Variants in MYO16 observed in about 807,000 individuals in gnomAD.
MYO16 encodes the protein unconventional myosin-XVI.
Under a neutral mutation model 205.3 loss-of-function variants are expected in MYO16, and 94 were observed. That is an observed-to-expected ratio of 0.46 (90% CI 0.39 to 0.54). The LOEUF (loss-of-function observed/expected upper bound fraction) is 0.54, where lower values mean the gene tolerates loss of function less well. MYO16 is among the 20% of genes least tolerant of loss of function. The pLI, the probability that MYO16 is intolerant of heterozygous loss-of-function variation, is 0.00. For missense variants in MYO16, 2,315 were observed against 2,387.5 expected (o/e 0.97, Z 0.63); for synonymous variants, 988 against 954.0 (o/e 1.04, Z -0.66).
rs199674369 is a variant in MYO16 at position 108,672,314 on chromosome 13, T to TA, written c.292+6174dup. Among the ~76,000 whole-genome samples the TA allele has an allele frequency of 4.0e-3, 600 of 151,710 alleles. 4 individuals are homozygous for TA. Among genetic ancestry groups the TA allele is most frequent in the African/African-American group, 0.014 (569 of 41,424 alleles). On this transcript the variant is annotated intron_variant, in intron 2 of 34. Coordinates refer to ENST00000457511, the MANE Select transcript of MYO16 (RefSeq NM_001198950.3). ...GCACTTGTTTATGCAATTGAGAAAG[T>TA]AAAAAAAAATTGCCATAAGAAAAAA...
chr13:108,625,842 A>C (rs1879714971), upstream of MYO16, among the ~76,000 whole-genome samples: 1 of 152,204 alleles, frequency 6.6e-6, no homozygotes, highest in African/African-American at 2.4e-5. Context: ...TTTAGTTTTA[A>C]TTTCTTCATT....
intron 20 of MYO16, among the ~76,000 whole-genome samples, chr13:108,968,185 G>T (rs568615696): frequency 6.6e-6 from 1 of 152,126 alleles, no homozygotes; most frequent in South Asian, 2.1e-4. Context: ...TTCACCTCTC[G>T]TATGCTCCTG....
chr13:108,951,269 C>T (rs1382049211), intron 16 of MYO16, among the ~76,000 whole-genome samples: 1 of 152,128 alleles, frequency 6.6e-6, no homozygotes, highest in Non-Finnish European at 1.5e-5. Flanking sequence ...CTTTTAGTTG[C>T]ACTTGGTTTT....
chr13:109,074,181 A>T (rs117945799), intron 27 of MYO16, among the ~76,000 whole-genome samples: 1,821 of 152,298 alleles, frequency 0.012, 22 homozygotes, highest in South Asian at 0.033. Flanking sequence ...GTGTTTTTAC[A>T]TAAACATACA....
At chr13:108,985,719 G>A (rs575250424) in intron 20 of MYO16, among the ~76,000 whole-genome samples, 22 of 152,302 alleles carry the variant, frequency 1.4e-4, no homozygotes, top group South Asian at 4.1e-4. Flanking sequence ...AGAGCCAACC[G>A]TAATAATTTC....
At chr13:108,715,138 T>G (rs1348667034) in intron 3 of MYO16, among the ~76,000 whole-genome samples, 1 of 152,210 alleles carries the variant, frequency 6.6e-6, no homozygotes, top group East Asian at 1.9e-4. Flanking sequence ...CTCCAGTCAC[T>G]TTCCCTCTGC....
chr13:108,842,597 G>A (rs1355942094), intron 9 of MYO16, among the ~76,000 whole-genome samples: 1 of 152,040 alleles, frequency 6.6e-6, no homozygotes, highest in African/African-American at 2.4e-5. Flanking sequence ...AAAAAGACAA[G>A]AGATAACTAG....
chr13:109,182,755 G>A (rs1245960672), intron 34 of MYO16, among the ~76,000 whole-genome samples: 1 of 152,000 alleles, frequency 6.6e-6, no homozygotes, highest in Non-Finnish European at 1.5e-5. Flanking sequence ...AATATACGGT[G>A]GTTGTTTATG....
At chr13:108,688,695 C>G (rs1486364281) in intron 2 of MYO16, among the ~76,000 whole-genome samples, 4 of 152,090 alleles carry the variant, frequency 2.6e-5, no homozygotes, top group Non-Finnish European at 5.9e-5. Context: ...TTCTTTTCTC[C>G]TGAACTTTTT....
intron 12 of MYO16, among the ~76,000 whole-genome samples, chr13:108,874,869 A>T (rs1879251809): frequency 1.3e-5 from 2 of 152,156 alleles, no homozygotes; most frequent in African/African-American, 4.8e-5. Flanking sequence ...CGAAACCAGC[A>T]GCCCAGGGCA....
rs376455500 is a variant in MYO16, at chr13:109,054,603, C to A, written c.3049-443C>A. Among the ~76,000 whole-genome samples the A allele has an allele frequency of 5.9e-5, 9 of 152,160 alleles. No homozygotes were observed. In the East Asian group the frequency reaches 1.4e-3, roughly 23 times the overall value. ...AAATGAGGATCTATGTTTATTTTCACACTAAAATGAGTGCAGGATGGTGAT... is the reference window on the plus strand; with the variant it reads ...AAATGAGGATCTATGTTTATTTTCAAACTAAAATGAGTGCAGGATGGTGAT... On this transcript the variant is annotated intron_variant, in intron 25 of 34. Coordinates refer to ENST00000457511, the MANE Select transcript of MYO16 (RefSeq NM_001198950.3).
At chr13:109,185,853 A>C (rs1879665262) in intron 34 of MYO16, among the ~76,000 whole-genome samples, 1 of 152,194 alleles carries the variant, frequency 6.6e-6, no homozygotes. Flanking sequence ...TTCACAAGTA[A>C]TAACCAATGC....
intron 1 of MYO16, among the ~76,000 whole-genome samples, chr13:108,603,755 G>T (rs1362141704): frequency 6.6e-6 from 1 of 151,512 alleles, no homozygotes; most frequent in Non-Finnish European, 1.5e-5. Flanking sequence ...TCCTGTTACA[G>T]CTGACACATA....
intron 15 of MYO16, 24 bp from the exon 16 acceptor site, chr13:108,909,978 GA>G (rs1881179931): frequency 6.2e-7 from 1 of 1,602,616 alleles, no homozygotes; most frequent in Non-Finnish European, 8.5e-7. Context: ...CCATTTAACA[GA>G]ATCACTTTTC....
chr13:109,182,685 C>G (rs2139923474), intron 34 of MYO16, among the ~76,000 whole-genome samples: 1 of 152,176 alleles, frequency 6.6e-6, no homozygotes, highest in East Asian at 1.9e-4. Flanking sequence ...ACTAAGTGTA[C>G]AAACTCTTCA....
intron 3 of MYO16, among the ~76,000 whole-genome samples, chr13:108,714,306 T>C (rs1481446088): frequency 3.3e-5 from 5 of 152,150 alleles, no homozygotes; most frequent in Non-Finnish European, 7.3e-5. Context: ...CCACCCGCCT[T>C]GGCCTCCCGA....
chr13:108,924,355 A>C (rs1236222213), intron 16 of MYO16, among the ~76,000 whole-genome samples: 1 of 152,210 alleles, frequency 6.6e-6, no homozygotes, highest in Non-Finnish European at 1.5e-5. Flanking sequence ...CGGGAAAGTC[A>C]TTAACTGTGC....
At chr13:109,082,804 AAAAG>A (rs1447685368) in intron 27 of MYO16, among the ~76,000 whole-genome samples, 2 of 151,846 alleles carry the variant, frequency 1.3e-5, no homozygotes, top group African/African-American at 4.8e-5. Context: ...AAGAAAAAGA[AAAAG>A]AAAAAAAAGC....
the MYO16 span, among the ~76,000 whole-genome samples, chr13:108,583,019 T>C: frequency 6.6e-6 from 1 of 152,132 alleles, no homozygotes; most frequent in Non-Finnish European, 1.5e-5. Flanking sequence ...ATGCAACAGA[T>C]AAAGTTTATG....
Sources: gnomAD v4.1 joint callset for allele counts (sites outside exome capture counted in the v4.1 genomes callset) on GRCh38, gnomAD v4.1.1 for gene constraint, MANE v1.5 for transcripts, NCBI Gene and HGNC (gene_info 2026-07-23, HGNC 2026-07-21) for gene names.